The following BBS9 variants were observed in gnomAD, a reference collection of about 807,000 sequenced individuals.
BBS9 encodes Bardet-Biedl syndrome 9.
A neutral mutation model predicts 117.7 loss-of-function variants in BBS9; 89 were observed. That is an observed-to-expected ratio of 0.76 (90% CI 0.64 to 0.90). The LOEUF (loss-of-function observed/expected upper bound fraction) is 0.90. Ranked by LOEUF, BBS9 falls within the 40% of genes least tolerant of loss-of-function variation. The pLI is 0.00. For missense variants in BBS9, 982 were observed against 1,042.2 expected (o/e 0.94, Z 0.80); for synonymous variants, 379 against 370.9 (o/e 1.02, Z -0.25).
chr7:33,276,931 G>T, intron 9 of BBS9: 1 of 194,640 alleles, frequency 5.1e-6, no homozygotes. Flanking sequence ...CCACAAGAGG[G>T]TGGAAGAGCC....
chr7:33,269,184 G>A (rs1332800729), intron 7 of BBS9, among the ~76,000 whole-genome samples: 1 of 152,134 alleles, frequency 6.6e-6, no homozygotes, highest in Non-Finnish European at 1.5e-5. Flanking sequence ...TAAAGTAGAT[G>A]AATACCTAAG....
At chr7:33,148,456 G>A (rs1456773256) in intron 2 of BBS9, among the ~76,000 whole-genome samples, 3 of 151,914 alleles carry the variant, frequency 2.0e-5, no homozygotes, top group Non-Finnish European at 4.4e-5. Flanking sequence ...TCCACCTCCC[G>A]GGTTCAAGCA....
intron 21 of BBS9, among the ~76,000 whole-genome samples, chr7:33,630,082 T>C (rs1865814539): frequency 1.3e-5 from 2 of 152,204 alleles, no homozygotes; most frequent in African/African-American, 2.4e-5. Flanking sequence ...TGCCACAGGT[T>C]TATAAAACTT....
intron 5 of BBS9, among the ~76,000 whole-genome samples, chr7:33,220,488 T>G (rs2128238317): frequency 6.6e-6 from 1 of 152,376 alleles, no homozygotes; most frequent in South Asian, 2.1e-4. Flanking sequence ...TCAGACTGTC[T>G]TCACCATTGT....
At chr7:33,160,465 G>C (rs1256797555) in intron 4 of BBS9, among the ~76,000 whole-genome samples, 1 of 152,118 alleles carries the variant, frequency 6.6e-6, no homozygotes, top group African/African-American at 2.4e-5. Flanking sequence ...ACAAATTAAA[G>C]TATACTCTAT....
At chr7:33,507,160 G>A (rs968757181) in intron 20 of BBS9, among the ~76,000 whole-genome samples, 1 of 152,156 alleles carries the variant, frequency 6.6e-6, no homozygotes, top group Non-Finnish European at 1.5e-5. Context: ...AATCATTACT[G>A]GAAGTGATTT....
intron 21 of BBS9, among the ~76,000 whole-genome samples, chr7:33,543,604 T>C (rs1852768148): frequency 6.6e-6 from 1 of 152,220 alleles, no homozygotes; most frequent in Non-Finnish European, 1.5e-5. Context: ...ATAGGTTACC[T>C]GGTGTTTCTG....
chr7:33,315,310 A>G (rs1810247379), intron 9 of BBS9, among the ~76,000 whole-genome samples: 1 of 152,044 alleles, frequency 6.6e-6, no homozygotes, highest in Non-Finnish European at 1.5e-5. Flanking sequence ...TCATCATTGC[A>G]GTCTCTTCCT....
At chr7:33,603,492 T>C (rs1864111488) in intron 21 of BBS9, among the ~76,000 whole-genome samples, 1 of 152,178 alleles carries the variant, frequency 6.6e-6, no homozygotes, top group African/African-American at 2.4e-5. Flanking sequence ...CTGAATCTCA[T>C]GAGACCTCAG....
intron 1 of BBS9, among the ~76,000 whole-genome samples, chr7:33,140,265 C>T (rs1456378098): frequency 6.6e-6 from 1 of 152,166 alleles, no homozygotes; most frequent in Non-Finnish European, 1.5e-5. Context: ...ACCTCGTGAT[C>T]TGCCTGCCTC....
rs80176200 is a variant in BBS9 at position 33,347,198 on chromosome 7, C to T, written c.1330-1870C>T. Among the ~76,000 whole-genome samples the T allele has an allele frequency of 6.4e-4, 97 of 151,980 alleles. 1 individual carries two copies. In the East Asian group the frequency reaches 6.9e-3, roughly 11 times the overall value. ...GTAAAGAGTAAATTAAATAATGGCA[C>T]GTAAATAATTTGTTAGCATGGTTCC... On this transcript the variant is annotated intron_variant, in intron 12 of 22. Coordinates refer to ENST00000242067, the MANE Select transcript of BBS9 (RefSeq NM_198428.3).
At chr7:33,285,416 G>A (rs1232083289) in intron 9 of BBS9, among the ~76,000 whole-genome samples, 1 of 152,136 alleles carries the variant, frequency 6.6e-6, no homozygotes, top group African/African-American at 2.4e-5. Flanking sequence ...ACAGAATTAT[G>A]TCATAGTTCG....
chr7:33,205,288 C>G (rs1484210641), intron 5 of BBS9, among the ~76,000 whole-genome samples: 1 of 152,134 alleles, frequency 6.6e-6, no homozygotes, highest in Non-Finnish European at 1.5e-5. Context: ...TTTCACAGTG[C>G]TTGTTCATTA....
At chr7:33,610,447 G>A (rs1238430697), downstream of BBS9, among the ~76,000 whole-genome samples, 2 of 152,088 alleles carry the variant, frequency 1.3e-5, no homozygotes, top group African/African-American at 4.8e-5. Context: ...CCAAGACGGC[G>A]CCTTGCATTC....
At chr7:33,500,043 C>A (rs1360763392) in intron 19 of BBS9, among the ~76,000 whole-genome samples, 1 of 150,568 alleles carries the variant, frequency 6.6e-6, no homozygotes, top group Non-Finnish European at 1.5e-5. Flanking sequence ...TAATAAAATT[C>A]TCTTTGTTAA....
At chr7:33,223,042 A>G (rs914687544) in intron 5 of BBS9, among the ~76,000 whole-genome samples, 2 of 151,904 alleles carry the variant, frequency 1.3e-5, no homozygotes, top group African/African-American at 2.4e-5. Flanking sequence ...TGGCCCTGCT[A>G]AGCCCCCTGA....
chr7:33,563,927 T>G (rs1194977160), intron 21 of BBS9, among the ~76,000 whole-genome samples: 2 of 152,242 alleles, frequency 1.3e-5, no homozygotes, highest in African/African-American at 4.8e-5. Flanking sequence ...AACTTAAGAC[T>G]GCAGATCTCT....
At chr7:33,358,908 T>C (rs917079935) in intron 16 of BBS9, among the ~76,000 whole-genome samples, 5 of 151,886 alleles carry the variant, frequency 3.3e-5, no homozygotes, top group Non-Finnish European at 7.4e-5. Flanking sequence ...AAATTTATTT[T>C]TTATTAATTT....
upstream of BBS9, chr7:33,129,399 A>C: frequency 3.1e-6 from 1 of 327,626 alleles, no homozygotes; most frequent in Non-Finnish European, 5.5e-6. Context: ...AATGAGGACC[A>C]GGCCGTGGTT....
Sources: gnomAD v4.1 joint callset for allele counts (sites outside exome capture counted in the v4.1 genomes callset) on GRCh38, gnomAD v4.1.1 for gene constraint, MANE v1.5 for transcripts, NCBI Gene and HGNC (gene_info 2026-07-23, HGNC 2026-07-21) for gene names.